WHRN: variants seen among roughly 807,000 people sequenced by gnomAD.
WHRN encodes the protein CASK-interacting protein CIP98.
Under a neutral mutation model 68.3 loss-of-function variants are expected in WHRN, and 41 were observed. That is an observed-to-expected ratio of 0.60 (90% CI 0.47 to 0.78). WHRN has a LOEUF of 0.78. Ranked by LOEUF, WHRN falls within the 30% of genes least tolerant of loss-of-function variation. WHRN has a pLI of 0.00. For missense variants in WHRN, 1,243 were observed against 1,244.7 expected (o/e 1.00, Z 0.02); for synonymous variants, 560 against 561.3 (o/e 1.00, Z 0.03).
rs141308638 is a variant in WHRN, at chr9:114,436,552, G to A, written c.964-10139C>T. ...TCTAAAAAAATAAATCTATTGGTCC[G>A]GCGCAGTGGCTCATGCCTGTAATCC... is the stretch of plus-strand genomic sequence containing the variant. On this transcript the variant is annotated intron_variant, in intron 3 of 11. Transcript: ENST00000362057. 1.8e-3 allele frequency among the ~76,000 whole-genome samples: 281 copies of A among 152,230 alleles called. 1 individual carries two copies. The highest frequency in any genetic ancestry group is 6.5e-3 in the African/African-American group (269 of 41,530).
At position 114,458,357 on chromosome 9, in the gene WHRN, T is replaced by C. The variant is rs115713863; in HGVS notation, c.963+7910A>G. Reference sequence around the variant, plus strand: ...ACTAAGTTGTTGCCATTTTAGAGTATTGAGATGGGCCTTCTCAAAAGTAGA... The same window carrying C: ...ACTAAGTTGTTGCCATTTTAGAGTACTGAGATGGGCCTTCTCAAAAGTAGA... On this transcript the variant is annotated intron_variant, in intron 3 of 11. Transcript: ENST00000362057. Among the ~76,000 whole-genome samples, 666 of 152,316 alleles carry C rather than the reference T, an allele frequency of 4.4e-3. 2 individuals are homozygous for C. The highest frequency in any genetic ancestry group is 0.015 in the African/African-American group (618 of 41,566).
chr9:114,467,627 G>C (rs1840833880), intron 2 of WHRN, among the ~76,000 whole-genome samples: 1 of 152,210 alleles, frequency 6.6e-6, no homozygotes, highest in African/African-American at 2.4e-5. Flanking sequence ...AGCAGGTGCT[G>C]GGGGACAGGG....
intron 9 of WHRN, among the ~76,000 whole-genome samples, chr9:114,406,060 G>A (rs540879239): frequency 6.6e-6 from 1 of 152,354 alleles, no homozygotes; most frequent in African/African-American, 2.4e-5. Flanking sequence ...GGTGGCCAGG[G>A]TAGGGGGAGC....
intron 3 of WHRN, among the ~76,000 whole-genome samples, chr9:114,465,183 A>AAGAG (rs1840574458): frequency 6.6e-6 from 1 of 152,174 alleles, no homozygotes; most frequent in Non-Finnish European, 1.5e-5. Context: ...TGACAGACGT[A>AAGAG]TCGTCTCTGT....
At chr9:114,430,588 C>G (rs529160591) in intron 3 of WHRN, among the ~76,000 whole-genome samples, 2 of 152,284 alleles carry the variant, frequency 1.3e-5, no homozygotes, top group South Asian at 4.2e-4. Flanking sequence ...AGGAATTACC[C>G]AGCATCCCAC....
At chr9:114,425,705 T>G in intron 4 of WHRN, 1 of 241,312 alleles carries the variant, frequency 4.1e-6, no homozygotes, top group South Asian at 6.3e-5. Flanking sequence ...GCCTGAGATT[T>G]CTGATGAAGA....
At chr9:114,414,999 A>G (rs930983241) in intron 7 of WHRN, among the ~76,000 whole-genome samples, 1 of 152,184 alleles carries the variant, frequency 6.6e-6, no homozygotes, top group Non-Finnish European at 1.5e-5. Context: ...AGGCAGCTTA[A>G]AAAATGTAAA....
At position 114,504,990 on chromosome 9, in the gene WHRN, G is replaced by A; in HGVS notation, c.-189C>T. 1.2e-6 allele frequency: 1 copy of A among 826,164 alleles called. No individual in the cohort carries two copies. Among genetic ancestry groups the A allele is most frequent in the Non-Finnish European group, 1.6e-6 (1 of 608,482 alleles). 51.2% of individuals were successfully genotyped at this position (826,164 alleles called of 1,614,324 possible). On this transcript the variant is annotated 5_prime_UTR_variant, in exon 1 of 12. Coordinates refer to ENST00000362057, the MANE Select transcript of WHRN (RefSeq NM_015404.4). ...GGAGACCGCTGCTAGAGTCCCGGAG[G>A]CGCGAAGACGGCGGGGGTCGCGAAC...
intron 3 of WHRN, among the ~76,000 whole-genome samples, chr9:114,464,214 G>C (rs1840474019): frequency 6.6e-6 from 1 of 152,234 alleles, no homozygotes; most frequent in Non-Finnish European, 1.5e-5. Flanking sequence ...ACTTGGAAGA[G>C]CATCTGGGAA....
intron 1 of WHRN, among the ~76,000 whole-genome samples, chr9:114,493,073 G>A (rs1223505598): frequency 6.6e-6 from 1 of 152,020 alleles, no homozygotes; most frequent in East Asian, 1.9e-4. Context: ...AAAGAGGCTA[G>A]GCACAGTGGC....
rs138211100 is a variant in WHRN at position 114,483,645 on chromosome 9, A to C, written c.619-4874T>G. Reference sequence around the variant, plus strand: ...AGCAGCCTACAGAGTGAGTAGCCTCAGGCAGCAGAGCTTGAGCCTGTGAGA... The same window carrying C: ...AGCAGCCTACAGAGTGAGTAGCCTCCGGCAGCAGAGCTTGAGCCTGTGAGA... On this transcript the variant is annotated intron_variant, in intron 1 of 11. Coordinates refer to ENST00000362057, the MANE Select transcript of WHRN (RefSeq NM_015404.4). Among the ~76,000 whole-genome samples, 244 of 152,310 alleles carry C rather than the reference A, an allele frequency of 1.6e-3. 2 individuals are homozygous for C. The highest frequency in any genetic ancestry group is 6.8e-3 in the Middle Eastern group (2 of 294).
At chr9:114,501,210 T>C (rs1182608144) in intron 1 of WHRN, among the ~76,000 whole-genome samples, 1 of 152,228 alleles carries the variant, frequency 6.6e-6, no homozygotes, top group African/African-American at 2.4e-5. Context: ...TAAAAACCTT[T>C]GAAAGGTCTA....
intron 1 of WHRN, among the ~76,000 whole-genome samples, chr9:114,500,386 G>C (rs1843820894): frequency 6.6e-6 from 1 of 152,136 alleles, no homozygotes; most frequent in Non-Finnish European, 1.5e-5. Flanking sequence ...ATGCACAATG[G>C]GAAAAGGACA....
intron 8 of WHRN, among the ~76,000 whole-genome samples, chr9:114,407,401 A>AC (rs1835114675): frequency 6.6e-6 from 1 of 152,050 alleles, no homozygotes; most frequent in South Asian, 2.1e-4. Flanking sequence ...AAGCACATCT[A>AC]CCCAGCAGAG....
At chr9:114,478,052 G>A (rs548247481) in intron 2 of WHRN, among the ~76,000 whole-genome samples, 2 of 152,198 alleles carry the variant, frequency 1.3e-5, no homozygotes, top group Admixed American at 6.5e-5. Flanking sequence ...GATAAGTCCT[G>A]GAGCAGAACT....
chr9:114,455,972 T>C (rs74597121), intron 3 of WHRN, among the ~76,000 whole-genome samples: 28,144 of 152,044 alleles, frequency 0.19, 3,177 homozygotes, highest in Middle Eastern at 0.27. Context: ...TAGTGAAGTA[T>C]TGAATATCTC....
chr9:114,467,226 G>A (rs1388832501), intron 2 of WHRN, among the ~76,000 whole-genome samples: 3 of 152,208 alleles, frequency 2.0e-5, no homozygotes, highest in Admixed American at 2.0e-4. Flanking sequence ...CATCCTGAGG[G>A]ACCATGATGG....
At chr9:114,452,909 G>C (rs1294662900) in intron 3 of WHRN, among the ~76,000 whole-genome samples, 2 of 152,122 alleles carry the variant, frequency 1.3e-5, no homozygotes. Context: ...CCCCAGCATA[G>C]AGCCCCGTTG....
chr9:114,406,465 G>A lies in WHRN; in HGVS notation c.2126C>T (p.Ser709Phe). The A allele has an allele frequency of 6.2e-7, 1 of 1,614,174 alleles. No individual in the cohort carries two copies. Among genetic ancestry groups the A allele is most frequent in the Non-Finnish European group, 8.5e-7 (1 of 1,180,046 alleles). ...TGTGCCTGTCTGGTCTGGGTGGCCA[G>A]AGGGTGATGGGGGCAGAAGGCAGCC... Reference protein sequence around the residue: ...AGGCLLPPSPSGHPDQTGTNQ... With the variant: ...AGGCLLPPSPFGHPDQTGTNQ... Residue 709 changes from serine (S) to phenylalanine (F), a missense_variant, in exon 9 of 12, where the codon TCT becomes TTT. Transcript: ENST00000362057.
Sources: allele counts gnomAD v4.1 joint callset (sites outside exome capture counted in the v4.1 genomes callset), GRCh38; gene constraint gnomAD v4.1.1; transcripts MANE v1.5; gene names NCBI Gene and HGNC (gene_info 2026-07-23, HGNC 2026-07-21).